The following CCDC171 variants were observed in gnomAD, a reference collection of about 807,000 sequenced individuals.
CCDC171 encodes the protein coiled-coil domain containing 171.
A neutral mutation model predicts 168.2 loss-of-function variants in CCDC171; 177 were observed. That is an observed-to-expected ratio of 1.05 (90% CI 0.93 to 1.19). CCDC171 has a LOEUF of 1.19. CCDC171 is among the 50% of genes most tolerant of loss of function. The probability of loss-of-function intolerance (pLI) is 0.00; values close to 1 mark genes in which losing one functional copy is unlikely to be tolerated. For missense variants in CCDC171, 1,991 were observed against 1,539.0 expected (o/e 1.29, Z -4.91); for synonymous variants, 687 against 540.8 (o/e 1.27, Z -3.75).
chr9:15,840,942 T>C (rs1220060704), intron 21 of CCDC171, among the ~76,000 whole-genome samples: 1 of 152,142 alleles, frequency 6.6e-6, no homozygotes, highest in East Asian at 1.9e-4. Flanking sequence ...TATTCCATTA[T>C]ATTTTATTAT....
intron 24 of CCDC171, among the ~76,000 whole-genome samples, chr9:15,912,550 G>A (rs1202124365): frequency 6.6e-6 from 1 of 152,002 alleles, no homozygotes; most frequent in Non-Finnish European, 1.5e-5. Context: ...TCTTTCTCTT[G>A]CCTGATTGCC....
At chr9:16,091,191 C>T in the CCDC171 span, among the ~76,000 whole-genome samples, 4 of 152,188 alleles carry the variant, frequency 2.6e-5, no homozygotes, top group Non-Finnish European at 5.9e-5. Context: ...AACCCCTCCT[C>T]CATCCCACAT....
intron 8 of CCDC171, among the ~76,000 whole-genome samples, chr9:15,661,554 A>G (rs1036938066): frequency 2.0e-5 from 3 of 152,238 alleles, no homozygotes; most frequent in African/African-American, 7.2e-5. Context: ...AATATTTACA[A>G]GTATTTTCAA....
chr9:15,618,124 G>T (rs1387111194), intron 6 of CCDC171, among the ~76,000 whole-genome samples: 1 of 152,194 alleles, frequency 6.6e-6, no homozygotes, highest in East Asian at 1.9e-4. Context: ...TGCGACTGCA[G>T]CCGCCCCTTC....
chr9:15,629,079 G>GA (rs1294155999), intron 7 of CCDC171, among the ~76,000 whole-genome samples: 1 of 152,076 alleles, frequency 6.6e-6, no homozygotes, highest in Non-Finnish European at 1.5e-5. Context: ...CAAAGATGGG[G>GA]AAAAAACAGA....
At position 15,672,522 on chromosome 9, in the gene CCDC171, T is replaced by C. The variant is rs537947379; in HGVS notation, c.1076+6199T>C. 2.6e-5 allele frequency among the ~76,000 whole-genome samples: 4 copies of C among 152,322 alleles called. No homozygotes were observed. The South Asian group carries it at 8.3e-4, about 32-fold the overall frequency. ...AGTCTTTAATCCATCTTGAGTTAAT[T>C]TTTGTATAAGGTGTAAGGAAGGGAT... On this transcript the variant is annotated intron_variant, in intron 9 of 25. Transcript: ENST00000380701.
chr9:15,888,076 G>T (rs191984166), intron 24 of CCDC171: 2 of 152,200 alleles, frequency 1.3e-5, no homozygotes, highest in African/African-American at 4.8e-5. Flanking sequence ...TTTTATCCCA[G>T]ACTCTTTTCC....
intron 3 of CCDC171, among the ~76,000 whole-genome samples, chr9:15,988,863 C>T (rs1024247546): frequency 7.9e-5 from 12 of 152,124 alleles, no homozygotes; most frequent in Non-Finnish European, 1.2e-4. Context: ...AAGTGCAAAG[C>T]GGCAGCAGGG....
At chr9:15,837,481 C>T (rs1296701323) in intron 21 of CCDC171, among the ~76,000 whole-genome samples, 1 of 152,086 alleles carries the variant, frequency 6.6e-6, no homozygotes, top group African/African-American at 2.4e-5. Context: ...TGAAGAAAAC[C>T]TATAAAATGC....
At position 16,035,824 on chromosome 9, in the gene CCDC171, TG is replaced by T. The variant is rs144780060; in HGVS notation, n.1068-267del. Among the ~76,000 whole-genome samples, 502 of 152,336 alleles carry T rather than the reference TG, an allele frequency of 3.3e-3. 2 individuals carry two copies. The highest frequency in any genetic ancestry group is 0.012 in the African/African-American group (488 of 41,582). On this transcript the variant is annotated intron_variant and non_coding_transcript_variant, in intron 7 of 9. Coordinates refer to the CCDC171 transcript ENST00000486641. ...ATGTCAGTCACTGGGCTATGTTGTG[TG>T]GAAGAGTAACTTACACATTTGATCA...
intron 7 of CCDC171, among the ~76,000 whole-genome samples, chr9:15,634,807 C>A (rs528782439): frequency 6.6e-6 from 1 of 152,108 alleles, no homozygotes; most frequent in East Asian, 1.9e-4. Flanking sequence ...CTTTCCTATT[C>A]CCCTTTCCTC....
intron 9 of CCDC171, 23 bp from the exon 10 acceptor site, chr9:15,678,735 G>T (rs761124321): frequency 1.9e-6 from 3 of 1,570,524 alleles, no homozygotes; most frequent in South Asian, 2.4e-5. Flanking sequence ...TGAAAAACCT[G>T]CTCTGACACT....
chr9:16,050,864 C>T (rs1564135959), intron 1 of CCDC171, among the ~76,000 whole-genome samples: 1 of 152,190 alleles, frequency 6.6e-6, no homozygotes, highest in South Asian at 2.1e-4. Context: ...GTTGTCCTTC[C>T]AGGTATATCC....
At chr9:15,708,615 C>G (rs1462634738) in intron 11 of CCDC171, among the ~76,000 whole-genome samples, 1 of 151,978 alleles carries the variant, frequency 6.6e-6, no homozygotes, top group Non-Finnish European at 1.5e-5. Flanking sequence ...CAGGAATGAC[C>G]CACGGATTGG....
intron 11 of CCDC171, among the ~76,000 whole-genome samples, chr9:15,707,203 A>G (rs1453191670): frequency 6.6e-6 from 1 of 152,204 alleles, no homozygotes; most frequent in Non-Finnish European, 1.5e-5. Flanking sequence ...TACAAACCAA[A>G]CTTGCCGCAC....
intron 3 of CCDC171, chr9:16,020,451 G>T (rs1033397312): frequency 6.5e-6 from 1 of 153,070 alleles, no homozygotes; most frequent in African/African-American, 2.4e-5. Flanking sequence ...TGAAGAAATT[G>T]TAGAAGATTT....
intron 21 of CCDC171, among the ~76,000 whole-genome samples, chr9:15,809,428 G>T (rs2059229823): frequency 6.6e-6 from 1 of 152,182 alleles, no homozygotes; most frequent in African/African-American, 2.4e-5. Flanking sequence ...CAAGAATGAA[G>T]CTACAGACTC....
In CCDC171 at chr9:15,972,393, A is replaced by T. The variant is rs1831439218; in HGVS notation, c.*557A>T. 6.5e-6 allele frequency: 1 copy of T among 153,090 alleles called. No homozygotes were observed. The highest frequency in any genetic ancestry group is 1.5e-5 in the Non-Finnish European group (1 of 68,848). The allele number at this position is 153,090 out of a possible 1,614,324, so 9.5% of individuals were successfully genotyped here. A position where few individuals can be genotyped will look rare whatever the true frequency, so the allele number is the denominator to read the frequency against. ...GCTTCTCCTCCTGCACAATAATGTC[A>T]CTCCTGGTCAATGTGAGAAGGTCAG... On this transcript the variant is annotated 3_prime_UTR_variant, in exon 26 of 26. Coordinates refer to ENST00000380701, the MANE Select transcript of CCDC171 (RefSeq NM_173550.4).
intron 11 of CCDC171, among the ~76,000 whole-genome samples, chr9:15,699,658 C>T (rs1264370253): frequency 2.6e-5 from 4 of 152,004 alleles, no homozygotes; most frequent in African/African-American, 4.8e-5. Flanking sequence ...TACAGAGTGT[C>T]GATTGGTGAA....
Sources: gnomAD v4.1 joint callset for allele counts (sites outside exome capture counted in the v4.1 genomes callset) on GRCh38, gnomAD v4.1.1 for gene constraint, MANE v1.5 for transcripts, NCBI Gene and HGNC (gene_info 2026-07-23, HGNC 2026-07-21) for gene names.